Variants in GANC observed in about 807,000 individuals in gnomAD.
GANC encodes the protein glucosidase alpha, neutral C.
In GANC, 117 loss-of-function variants were observed where a neutral mutation model predicts 124.2. That is an observed-to-expected ratio of 0.94 (90% CI 0.81 to 1.10). The LOEUF is 1.10. GANC is among the 50% of genes least tolerant of loss of function. The pLI, the probability that GANC is intolerant of heterozygous loss-of-function variation, is 0.00. For missense variants in GANC, 1,140 were observed against 1,095.0 expected, an observed-to-expected ratio of 1.04 and a Z score of -0.58; for synonymous variants, 377 against 376.8, an observed-to-expected ratio of 1.00 and a Z score of -0.01.
intron 3 of GANC, among the ~76,000 whole-genome samples, chr15:42,284,663 CTG>C (rs2051769143): frequency 6.6e-6 from 1 of 152,142 alleles, no homozygotes; most frequent in African/African-American, 2.4e-5. Context: ...TGGGGTCTCA[CTG>C]TGTTGCTCAG....
rs190737698 is a variant in GANC at position 42,329,865 on chromosome 15, A to G, written c.1644+416A>G. 9.8e-5 allele frequency among the ~76,000 whole-genome samples: 15 copies of G among 152,336 alleles called. No homozygotes were observed. In the East Asian group the frequency reaches 2.1e-3, roughly 22 times the overall value. Reference sequence around the variant, plus strand: ...ATCTTATATTCACACTGGAGGAGCAATATTTAGAACACAGACACACAGCTT... The same window carrying G: ...ATCTTATATTCACACTGGAGGAGCAGTATTTAGAACACAGACACACAGCTT... On this transcript the variant is annotated intron_variant, in intron 14 of 23. Transcript: ENST00000318010.
chr15:42,277,784 TAG>T (rs2051687614), intron 2 of GANC, among the ~76,000 whole-genome samples: 1 of 151,588 alleles, frequency 6.6e-6, no homozygotes, highest in Admixed American at 6.6e-5. Flanking sequence ...GTATTTTTAG[TAG>T]AGAGGGGGTT....
At chr15:42,351,208 C>T (rs79027335) in intron 22 of GANC, 121 bp from the exon 23 acceptor site, 61,317 of 680,344 alleles carry the variant, frequency 0.09, 3,538 homozygotes, top group South Asian at 0.2. Flanking sequence ...ATATGACTCC[C>T]ATATGGATCA....
chr15:42,292,560 C>T (rs2141026797), intron 4 of GANC, among the ~76,000 whole-genome samples, 175 bp from the exon 5 acceptor site: 1 of 152,278 alleles, frequency 6.6e-6, no homozygotes, highest in East Asian at 1.9e-4. Context: ...GAGTTATGCT[C>T]AATTTAAGCT....
At chr15:42,315,002 C>T (rs4924663) in intron 10 of GANC, among the ~76,000 whole-genome samples, 138,485 of 152,224 alleles carry the variant, frequency 0.91, 64,352 homozygotes, top group Non-Finnish European at 1. Flanking sequence ...ATAAGGACTT[C>T]AACCTCCAAC....
intron 15 of GANC, among the ~76,000 whole-genome samples, chr15:42,337,115 C>T (rs556324179): frequency 2.0e-3 from 306 of 152,272 alleles, no homozygotes; most frequent in African/African-American, 7.1e-3. Context: ...CCATTTGACC[C>T]AGCAATCCCA....
chr15:42,273,345 T>C lies in GANC; in HGVS notation c.-1137T>C, dbSNP rs1259860455. The C allele has an allele frequency of 6.2e-7, 1 of 1,613,820 alleles. No homozygotes were observed. Among genetic ancestry groups the C allele is most frequent in the Non-Finnish European group, 8.5e-7 (1 of 1,180,016 alleles). On this transcript the variant is annotated 5_prime_UTR_variant, in exon 1 of 24. Transcript: ENST00000318010. Reference sequence around the variant, plus strand: ...AAAACGACAGTGGTGACGGGTGAGCTCCCAGAAGCAGAAGAATGACAGGCA... The same window carrying C: ...AAAACGACAGTGGTGACGGGTGAGCCCCCAGAAGCAGAAGAATGACAGGCA...
At chr15:42,283,192 T>C (rs1453802114) in intron 3 of GANC, among the ~76,000 whole-genome samples, 2 of 152,204 alleles carry the variant, frequency 1.3e-5, no homozygotes, top group African/African-American at 4.8e-5. Flanking sequence ...GGTCGGAACG[T>C]CCAGGCTTTG....
chr15:42,283,445 T>A (rs989080567), intron 3 of GANC, among the ~76,000 whole-genome samples: 4 of 152,192 alleles, frequency 2.6e-5, no homozygotes, highest in African/African-American at 9.6e-5. Context: ...GAAAGAGAGA[T>A]CTAGTCTTGT....
chr15:42,310,217 C>G, intron 8 of GANC, 66 bp from the exon 9 acceptor site: 2 of 1,201,936 alleles, frequency 1.7e-6, no homozygotes, highest in East Asian at 5.1e-5. Context: ...AAGAGTAGAG[C>G]TGTTCTATTT....
chr15:42,292,265 A>T (rs753703232), intron 4 of GANC, among the ~76,000 whole-genome samples: 16 of 152,136 alleles, frequency 1.1e-4, no homozygotes, highest in Non-Finnish European at 2.2e-4. Context: ...TGTGTTTGGA[A>T]TGAGAAAGAA....
intron 3 of GANC, among the ~76,000 whole-genome samples, chr15:42,280,369 C>T (rs1389498434): frequency 1.3e-5 from 2 of 152,054 alleles, no homozygotes; most frequent in East Asian, 3.8e-4. Context: ...TTTATATATC[C>T]TTTTGTAGCC....
Position 42,329,431 on chromosome 15 carries a change from C to T in GANC, c.1626C>T (p.Asn542=). Residue 542 remains asparagine, a synonymous_variant, in exon 14 of 24, where the codon AAC becomes AAT. Coordinates refer to ENST00000318010, the MANE Select transcript of GANC (RefSeq NM_198141.3). ...ATTGGGAGCACAGAGAGCTCCACAA[C>T]ATCTACGGTTTTTATCATGTAAGAC... ...HGNWEHRELH[N]IYGFYHQMAT... 6.2e-7 allele frequency: 1 copy of T among 1,610,864 alleles called. No homozygotes were observed. Among genetic ancestry groups the T allele is most frequent in the Non-Finnish European group, 8.5e-7 (1 of 1,179,024 alleles).
Position 42,278,551 on chromosome 15 carries a change from A to G in GANC, c.162A>G (p.Glu54=). 9.9e-6 allele frequency: 16 copies of G among 1,612,796 alleles called. No homozygotes were observed. The highest frequency in any genetic ancestry group is 1.4e-5 in the Non-Finnish European group (16 of 1,179,354). ...QALLDSVTTD[E]DSTRFQIINE... is the part of the protein sequence containing the mutation. ...TATTGGATTCAGTCACAACAGATGAAGACAGCACCAGGTTCCAAATCATCA... is the reference window on the plus strand; with the variant it reads ...TATTGGATTCAGTCACAACAGATGAGGACAGCACCAGGTTCCAAATCATCA... The change falls in exon 3 of 24, where the codon GAA becomes GAG. Residue 54 remains glutamate (E), a synonymous_variant. Coordinates refer to ENST00000318010, the MANE Select transcript of GANC (RefSeq NM_198141.3).
intron 13 of GANC, among the ~76,000 whole-genome samples, chr15:42,327,712 A>T (rs2052209141): frequency 6.6e-6 from 1 of 152,184 alleles, no homozygotes; most frequent in Non-Finnish European, 1.5e-5. Flanking sequence ...GGTTTATTAT[A>T]TTTTCAAATT....
intron 4 of GANC, among the ~76,000 whole-genome samples, chr15:42,292,299 C>G (rs2051847720): frequency 1.3e-5 from 2 of 151,362 alleles, no homozygotes; most frequent in South Asian, 4.2e-4. Context: ...ATTTTACACA[C>G]CAAAATCTAG....
Position 42,329,372 on chromosome 15 carries a change from C to G in GANC, c.1567C>G (p.Gln523Glu), listed in dbSNP as rs369334076. 5 of 1,613,868 alleles carry G rather than the reference C, an allele frequency of 3.1e-6. No individual in the cohort carries two copies. In the African/African-American group the frequency reaches 6.7e-5, roughly 22 times the overall value. The change falls in exon 14 of 24, where the codon CAA (glutamine) becomes GAA (glutamate). Residue 523 changes from glutamine to glutamate, a missense_variant. Gln to Glu is a conservative substitution (Grantham distance 29). Coordinates refer to ENST00000318010, the MANE Select transcript of GANC (RefSeq NM_198141.3). ...GCCTTCTGTCTTTAGAGGGCCAGAG[C>G]AAACCATGCAGAAGAATGCCATTCA... is the stretch of plus-strand genomic sequence containing the variant. ...NEPSVFRGPE[Q>E]TMQKNAIHHG...
intron 3 of GANC, among the ~76,000 whole-genome samples, chr15:42,286,581 T>C (rs2051791309): frequency 6.6e-6 from 1 of 152,234 alleles, no homozygotes; most frequent in Non-Finnish European, 1.5e-5. Context: ...TATTGCATCA[T>C]AACCCTGCCT....
chr15:42,289,103 C>T (rs1324288212), intron 4 of GANC, among the ~76,000 whole-genome samples: 1 of 152,110 alleles, frequency 6.6e-6, no homozygotes. Context: ...TCTAGAGGGC[C>T]TTTGGCTACT....
Sources: allele counts gnomAD v4.1 joint callset (sites outside exome capture counted in the v4.1 genomes callset), GRCh38; gene constraint gnomAD v4.1.1; transcripts MANE v1.5; gene names NCBI Gene and HGNC (gene_info 2026-07-23, HGNC 2026-07-21).